LRRC8C: variants seen among roughly 807,000 people sequenced by gnomAD.
LRRC8C encodes volume-regulated anion channel subunit LRRC8C.
A neutral mutation model predicts 55.3 loss-of-function variants in LRRC8C; 20 were observed. The observed-to-expected ratio is 0.36, with a 90% confidence interval of 0.25 to 0.53. LRRC8C has a LOEUF of 0.53. LRRC8C is among the 20% of genes least tolerant of loss of function. LRRC8C has a pLI of 0.92. For synonymous variants in LRRC8C, 376 were observed against 360.7 expected, an observed-to-expected ratio of 1.04 and a Z score of -0.48; for missense variants, 659 against 951.4, an observed-to-expected ratio of 0.69 and a Z score of 4.04.
the LRRC8C span, among the ~76,000 whole-genome samples, chr1:89,622,334 A>ATTTTTTTT: frequency 7.9e-6 from 1 of 127,230 alleles, no homozygotes; most frequent in African/African-American, 4.0e-5. Flanking sequence ...ATACATGTAA[A>ATTTTTTTT]ATTTTTTTTT....
intron 1 of LRRC8C, among the ~76,000 whole-genome samples, chr1:89,645,151 A>G (rs1656576323): frequency 6.6e-6 from 1 of 152,242 alleles, no homozygotes; most frequent in African/African-American, 2.4e-5. Context: ...AAGAAAATAT[A>G]GTCATAATGA....
At chr1:89,683,573 G>A (rs1657788376) in intron 1 of LRRC8C, among the ~76,000 whole-genome samples, 1 of 152,182 alleles carries the variant, frequency 6.6e-6, no homozygotes, top group East Asian at 1.9e-4. Context: ...GGCCAGGATG[G>A]TCTTGATCTC....
chr1:89,635,366 T>C (rs10922679), intron 1 of LRRC8C, among the ~76,000 whole-genome samples: 84,613 of 151,992 alleles, frequency 0.56, 23,968 homozygotes, highest in East Asian at 0.79. Context: ...TGTTAATGAT[T>C]TAATATGGTA....
intron 1 of LRRC8C, among the ~76,000 whole-genome samples, chr1:89,661,604 A>T (rs1657126769): frequency 6.6e-6 from 1 of 152,112 alleles, no homozygotes; most frequent in African/African-American, 2.4e-5. Context: ...TGAATGACAA[A>T]TATGGGCCAG....
intron 1 of LRRC8C, among the ~76,000 whole-genome samples, chr1:89,663,298 C>T (rs781381822): frequency 3.3e-5 from 5 of 152,076 alleles, no homozygotes; most frequent in African/African-American, 9.7e-5. Flanking sequence ...TGGCCGGACG[C>T]GGTGGCTCAT....
chr1:89,674,734 T>C (rs911561593), intron 1 of LRRC8C, among the ~76,000 whole-genome samples: 1 of 152,176 alleles, frequency 6.6e-6, no homozygotes, highest in African/African-American at 2.4e-5. Context: ...CCAAAGATAA[T>C]TAGTCAACCG....
intron 1 of LRRC8C, among the ~76,000 whole-genome samples, chr1:89,655,370 G>T (rs1197699201): frequency 6.6e-6 from 1 of 151,876 alleles, no homozygotes; most frequent in Non-Finnish European, 1.5e-5. Flanking sequence ...TTTACTTTCG[G>T]TTTTAGTGTG....
rs957637560 is a variant in LRRC8C, at chr1:89,665,541, T to C, written c.-4-20929T>C. 3.0e-4 allele frequency among the ~76,000 whole-genome samples: 46 copies of C among 152,330 alleles called. 1 individual carries two copies. Among genetic ancestry groups the C allele is most frequent in the African/African-American group, 1.1e-3 (44 of 41,576 alleles). The stretch of plus-strand genomic sequence containing the variant: ...TAATAATTTAATAGCAAAAAACTTA[T>C]TGAATAAGGAATAAAATATATTTTT... On this transcript the variant is annotated intron_variant, in intron 1 of 2. Transcript: ENST00000370454.
the LRRC8C span, among the ~76,000 whole-genome samples, chr1:89,622,887 T>C: frequency 6.6e-6 from 1 of 152,226 alleles, no homozygotes; most frequent in Non-Finnish European, 1.5e-5. Context: ...AGGTATAATT[T>C]TGAATTTTGG....
At chr1:89,675,188 AAAAC>A (rs1306252608) in intron 1 of LRRC8C, among the ~76,000 whole-genome samples, 3 of 152,146 alleles carry the variant, frequency 2.0e-5, no homozygotes, top group Non-Finnish European at 2.9e-5. Flanking sequence ...TCAACTCAAA[AAAAC>A]AAAAAAACAA....
At chr1:89,701,143 T>A (rs947618995) in intron 2 of LRRC8C, among the ~76,000 whole-genome samples, 1 of 151,778 alleles carries the variant, frequency 6.6e-6, no homozygotes, top group Admixed American at 6.6e-5. Context: ...GAAAACAGGT[T>A]CAAGCTGGAG....
chr1:89,653,153 T>C, intron 1 of LRRC8C, among the ~76,000 whole-genome samples: 1 of 152,208 alleles, frequency 6.6e-6, no homozygotes, highest in East Asian at 1.9e-4. Flanking sequence ...TATAGAGCAA[T>C]CATTAGCCAA....
chr1:89,686,301 T>G (rs1269489622), intron 1 of LRRC8C, among the ~76,000 whole-genome samples, 169 bp from the exon 2 acceptor site: 1 of 152,214 alleles, frequency 6.6e-6, no homozygotes, highest in Non-Finnish European at 1.5e-5. Flanking sequence ...GTCTCCTTAT[T>G]TCCTCAACTG....
At chr1:89,696,096 C>T (rs1242810795) in intron 2 of LRRC8C, among the ~76,000 whole-genome samples, 1 of 152,176 alleles carries the variant, frequency 6.6e-6, no homozygotes, top group Non-Finnish European at 1.5e-5. Flanking sequence ...TGAGTCTTGA[C>T]AAACAGAGAT....
intron 1 of LRRC8C, among the ~76,000 whole-genome samples, chr1:89,643,526 G>A (rs1656527559): frequency 6.6e-6 from 1 of 152,230 alleles, no homozygotes; most frequent in South Asian, 2.1e-4. Flanking sequence ...ATAGAGAATT[G>A]TAGATTCCAT....
At chr1:89,647,521 G>A (rs1656648344) in intron 1 of LRRC8C, among the ~76,000 whole-genome samples, 1 of 152,096 alleles carries the variant, frequency 6.6e-6, no homozygotes, top group Non-Finnish European at 1.5e-5. Context: ...CTAAAAAGCA[G>A]CACAAAAGCA....
intron 1 of LRRC8C, among the ~76,000 whole-genome samples, chr1:89,634,574 G>C (rs536682524): frequency 6.6e-6 from 1 of 152,280 alleles, no homozygotes; most frequent in Non-Finnish European, 1.5e-5. Context: ...AGTAAAAGTG[G>C]AGTAGTCCTC....
chr1:89,629,839 G>A (rs558359256), upstream of LRRC8C: 2 of 152,304 alleles, frequency 1.3e-5, no homozygotes, highest in African/African-American at 4.8e-5. Flanking sequence ...AACCTGTGGA[G>A]GCTTCATAGA....
At chr1:89,671,328 A>T (rs773970987) in intron 1 of LRRC8C, among the ~76,000 whole-genome samples, 4 of 149,946 alleles carry the variant, frequency 2.7e-5, no homozygotes, top group Admixed American at 1.3e-4. Flanking sequence ...AGGAAAGAGG[A>T]AGGGCATACT....
Sources: allele counts gnomAD v4.1 joint callset (sites outside exome capture counted in the v4.1 genomes callset), GRCh38; gene constraint gnomAD v4.1.1; transcripts MANE v1.5; gene names NCBI Gene and HGNC (gene_info 2026-07-23, HGNC 2026-07-21).